The following NOVA1 variants were observed in gnomAD, a reference collection of about 807,000 sequenced individuals.
The protein encoded by NOVA1 is NOVA alternative splicing regulator 1, also known as RNA-binding protein Nova-1.
A neutral mutation model predicts 38.0 loss-of-function variants in NOVA1; 7 were observed. That is an observed-to-expected ratio of 0.18 (90% CI 0.10 to 0.35). NOVA1 has a LOEUF of 0.35. Among genes scored for constraint, NOVA1 ranks in the 10% least tolerant of loss-of-function variants. The pLI, the probability that NOVA1 is intolerant of heterozygous loss-of-function variation, is 1.00. For missense variants in NOVA1, 460 were observed against 616.0 expected, an observed-to-expected ratio of 0.75 and a Z score of 2.68; for synonymous variants, 270 against 232.5, an observed-to-expected ratio of 1.16 and a Z score of -1.47.
intron 2 of NOVA1, among the ~76,000 whole-genome samples, chr14:26,564,539 A>T (rs980037871): frequency 3.9e-5 from 6 of 152,136 alleles, no homozygotes; most frequent in African/African-American, 1.4e-4. Flanking sequence ...GTTTTTAAAT[A>T]TTATACAGTA....
intron 2 of NOVA1, among the ~76,000 whole-genome samples, chr14:26,533,783 C>CT (rs941639945): frequency 3.5e-4 from 54 of 152,278 alleles, no homozygotes; most frequent in Admixed American, 2.0e-3. Context: ...TGCACAGCAC[C>CT]TAGCACAATG....
At chr14:26,557,923 T>C (rs569458618) in intron 2 of NOVA1, among the ~76,000 whole-genome samples, 2 of 151,838 alleles carry the variant, frequency 1.3e-5, no homozygotes, top group Admixed American at 6.6e-5. Context: ...TGGAATATTA[T>C]TTCACGATTA....
intron 4 of NOVA1, among the ~76,000 whole-genome samples, chr14:26,450,177 T>C (rs377454836): frequency 6.6e-6 from 1 of 152,264 alleles, no homozygotes. Flanking sequence ...CATTTAGTTG[T>C]TTGAGGTATT....
At chr14:26,539,482 T>G (rs1476945637) in intron 2 of NOVA1, among the ~76,000 whole-genome samples, 6 of 152,116 alleles carry the variant, frequency 3.9e-5, no homozygotes, top group Admixed American at 3.9e-4. Context: ...AGAAAATAAC[T>G]GAGACATCAG....
At chr14:26,557,838 A>ACTGTT (rs1240464192) in intron 2 of NOVA1, among the ~76,000 whole-genome samples, 1 of 152,174 alleles carries the variant, frequency 6.6e-6, no homozygotes, top group Non-Finnish European at 1.5e-5. Context: ...TTTATTAATG[A>ACTGTT]CTGTTCAAAC....
At position 26,517,527 on chromosome 14, in the gene NOVA1, T is replaced by C. The variant is rs145312962; in HGVS notation, c.281-37384A>G. On this transcript the variant is annotated intron_variant, in intron 2 of 4. Transcript: ENST00000539517. Reference sequence around the variant, plus strand: ...GAACATGTAATAAGAGTTCATTAAATATTTGTTGAAATAAGTATTAATTAA... The same window carrying C: ...GAACATGTAATAAGAGTTCATTAAACATTTGTTGAAATAAGTATTAATTAA... 4.2e-3 allele frequency among the ~76,000 whole-genome samples: 640 copies of C among 152,308 alleles called. 4 individuals are homozygous for C. The highest frequency in any genetic ancestry group is 0.015 in the African/African-American group (606 of 41,566).
In NOVA1 at chr14:26,448,856, C is replaced by T; in HGVS notation, c.627G>A (p.Gln209=). Residue 209 remains glutamine, a synonymous_variant, in exon 5 of 5, where the codon CAG becomes CAA. Coordinates refer to ENST00000539517, the MANE Select transcript of NOVA1 (RefSeq NM_002515.3). This position sits in a 1 kb window ranked among gnomAD's most constrained non-coding sequence, Gnocchi z 5.3. ...CTTGCAAGTTGATCCCATCAGGTTT[C>T]TGGGAAAGCTGCACCCAAGCCCCTG... The part of the protein sequence containing the change: ...EQSGAWVQLS[Q]KPDGINLQER... The T allele has an allele frequency of 6.2e-7, 1 of 1,614,156 alleles. No individual in the cohort carries two copies. Among genetic ancestry groups the T allele is most frequent in the South Asian group, 1.1e-5 (1 of 91,072 alleles).
At chr14:26,489,242 G>C (rs1466447669) in intron 2 of NOVA1, among the ~76,000 whole-genome samples, 1 of 152,048 alleles carries the variant, frequency 6.6e-6, no homozygotes, top group Non-Finnish European at 1.5e-5. Flanking sequence ...AGAGTTTATA[G>C]AATGATCCAT....
intron 2 of NOVA1, among the ~76,000 whole-genome samples, chr14:26,584,610 T>C (rs1040075325): frequency 7.3e-5 from 11 of 151,374 alleles, no homozygotes; most frequent in Non-Finnish European, 1.5e-4. Context: ...AACAGCAATA[T>C]CCACTTTTTA....
At chr14:26,488,951 A>C (rs1455265029) in intron 2 of NOVA1, among the ~76,000 whole-genome samples, 1 of 152,232 alleles carries the variant, frequency 6.6e-6, no homozygotes, top group Non-Finnish European at 1.5e-5. Flanking sequence ...AACAGTTTGC[A>C]CCAAACATGT....
At chr14:26,479,136 A>G (rs975763350) in intron 3 of NOVA1, 1 of 152,022 alleles carries the variant, frequency 6.6e-6, no homozygotes, top group Non-Finnish European at 1.5e-5. Flanking sequence ...GAAGAATAAT[A>G]CATTTCTTTT....
intron 4 of NOVA1, among the ~76,000 whole-genome samples, chr14:26,451,174 T>C (rs1021502299): frequency 2.6e-5 from 4 of 152,182 alleles, no homozygotes; most frequent in Admixed American, 6.5e-5. Flanking sequence ...ATTTCTACTA[T>C]ATGGCACATC....
chr14:26,549,738 T>C, intron 2 of NOVA1: 3 of 1,289,098 alleles, frequency 2.3e-6, no homozygotes, highest in Non-Finnish European at 3.0e-6. Context: ...GAGAAATACC[T>C]TCTGTACAGC....
At chr14:26,456,901 A>G (rs1341529664) in intron 4 of NOVA1, among the ~76,000 whole-genome samples, 2 of 151,882 alleles carry the variant, frequency 1.3e-5, no homozygotes, top group Non-Finnish European at 2.9e-5. Context: ...TGAAATTATA[A>G]AATGATGTAG....
intron 4 of NOVA1, among the ~76,000 whole-genome samples, chr14:26,464,807 G>A (rs1029148494): frequency 1.3e-4 from 20 of 151,822 alleles, no homozygotes; most frequent in African/African-American, 3.4e-4. Flanking sequence ...TCTTCCCCAC[G>A]AAAATTATAG....
chr14:26,495,107 CT>C (rs928514695), intron 2 of NOVA1, among the ~76,000 whole-genome samples: 3 of 144,794 alleles, frequency 2.1e-5, no homozygotes, highest in Non-Finnish European at 4.4e-5. Flanking sequence ...TCTCTTAGGC[CT>C]TTTTTTTCCC....
chr14:26,460,930 C>G (rs1344979833), intron 4 of NOVA1, among the ~76,000 whole-genome samples: 1 of 152,058 alleles, frequency 6.6e-6, no homozygotes, highest in South Asian at 2.1e-4. Context: ...TTCTATTGAA[C>G]TGTATACACA....
chr14:26,514,781 T>C (rs1404334027), intron 2 of NOVA1, among the ~76,000 whole-genome samples: 1 of 151,524 alleles, frequency 6.6e-6, no homozygotes, highest in Non-Finnish European at 1.5e-5. Context: ...GATGAAAATG[T>C]ATTCCTTTAA....
chr14:26,578,908 C>T (rs964727923), intron 2 of NOVA1, among the ~76,000 whole-genome samples: 1 of 152,078 alleles, frequency 6.6e-6, no homozygotes, highest in Non-Finnish European at 1.5e-5. Context: ...TCAGACTTCA[C>T]TGTCATCATC....
Sources: allele counts gnomAD v4.1 joint callset (sites outside exome capture counted in the v4.1 genomes callset), GRCh38; gene constraint gnomAD v4.1.1; non-coding constraint Gnocchi (gnomAD v3.1); transcripts MANE v1.5; gene names NCBI Gene and HGNC (gene_info 2026-07-23, HGNC 2026-07-21).